The following ZNF429 variants were observed in gnomAD, a reference collection of about 807,000 sequenced individuals.
ZNF429 encodes zinc finger protein 429.
A neutral mutation model predicts 56.8 loss-of-function variants in ZNF429; 53 were observed. The ratio of observed to expected loss-of-function variants is 0.93; its 90% CI spans 0.75 to 1.17. ZNF429 has a LOEUF of 1.17. Among genes scored for constraint, ZNF429 ranks in the 50% most tolerant of loss-of-function variants. ZNF429 has a pLI of 0.00. For synonymous variants in ZNF429, 278 were observed against 264.7 expected (o/e 1.05, Z -0.49); for missense variants, 849 against 788.4 (o/e 1.08, Z -0.92).
intron 1 of ZNF429, chr19:21,507,699 C>T (rs1336667421): frequency 1.3e-5 from 2 of 152,660 alleles, no homozygotes; most frequent in African/African-American, 2.4e-5. Context: ...ATATTAATTC[C>T]TGGGTCATTT....
rs1021503986 is a variant in ZNF429, at chr19:21,529,411, A to C, written c.4-247A>C. 30 of 721,508 alleles carry C rather than the reference A, an allele frequency of 4.2e-5. No individual in the cohort carries two copies. The Admixed American group carries it at 1.4e-3, about 33-fold the overall frequency. The allele number at this position is 721,508 out of a possible 1,614,324, so 44.7% of individuals were successfully genotyped here. A position where few individuals can be genotyped will look rare whatever the true frequency, so the allele number is the denominator to read the frequency against. ...ATTTTATACTTTATCACTTAGAAAA[A>C]TGTCATGTGTACACTGATGTTGTGG... On this transcript the variant is annotated intron_variant, in intron 1 of 3. Coordinates refer to ENST00000358491, the MANE Select transcript of ZNF429 (RefSeq NM_001001415.4).
chr19:21,523,863 A>T (rs1054688562), intron 1 of ZNF429, among the ~76,000 whole-genome samples: 1 of 151,322 alleles, frequency 6.6e-6, no homozygotes, highest in African/African-American at 2.4e-5. Context: ...CTCTCCTTTG[A>T]TTGTTGTGTG....
Position 21,535,495 on chromosome 19 carries a change from TCTTC to T in ZNF429, c.227-784_227-781del. On this transcript the variant is annotated intron_variant, in intron 3 of 3. Transcript: ENST00000358491. Reference sequence around the variant, plus strand: ...TTCTTTCTTTCTTTCTTTCTTTCTTTCTTCTTTCTTTCTTTCTTTCCTTCTTTTT... The same window carrying T: ...TTCTTTCTTTCTTTCTTTCTTTCTTTTTTCTTTCTTTCTTTCCTTCTTTTT... 4.1e-4 allele frequency among the ~76,000 whole-genome samples: 52 copies of T among 128,376 alleles called. 1 individual carries two copies. Among genetic ancestry groups the T allele is most frequent in the African/African-American group, 1.6e-3 (51 of 32,432 alleles). The allele number at this position is 128,376 out of a possible 152,430, so 84.2% of individuals were successfully genotyped here. A position where few individuals can be genotyped will look rare whatever the true frequency, so the allele number is the denominator to read the frequency against.
rs111339482 is a variant in ZNF429, at chr19:21,528,611, A to G, written c.4-1047A>G. ...TCCTAGCTACTGTGGAGGCTGAGGCAGGAGAATCGCTTGAACCCAGGAGGT... is the reference window on the plus strand; with the variant it reads ...TCCTAGCTACTGTGGAGGCTGAGGCGGGAGAATCGCTTGAACCCAGGAGGT... On this transcript the variant is annotated intron_variant, in intron 1 of 3. Transcript: ENST00000358491. Among the ~76,000 whole-genome samples, 589 of 152,214 alleles carry G rather than the reference A, an allele frequency of 3.9e-3. 6 individuals are homozygous for G. The highest frequency in any genetic ancestry group is 0.01 in the Middle Eastern group (3 of 294).
intron 1 of ZNF429, among the ~76,000 whole-genome samples, chr19:21,518,105 TCTTA>T (rs575235397): frequency 2.0e-5 from 3 of 152,366 alleles, no homozygotes; most frequent in South Asian, 4.1e-4. Flanking sequence ...AATCTTCTCT[TCTTA>T]CTTCACTAAA....
At chr19:21,507,375 C>A (rs1219554538) in intron 1 of ZNF429, 1 of 152,198 alleles carries the variant, frequency 6.6e-6, no homozygotes, top group Admixed American at 6.5e-5. Flanking sequence ...TTTAATTAAA[C>A]ATTTTTTGAC....
Position 21,538,133 on chromosome 19 carries a change from G to C in ZNF429, c.*55G>C. ...ACAAAAAAAAAAAAAAAAAAAATTAGCCAGGCGTGGTGGTGGGCACTTGTA... is the reference window on the plus strand; with the variant it reads ...ACAAAAAAAAAAAAAAAAAAAATTACCCAGGCGTGGTGGTGGGCACTTGTA... On this transcript the variant is annotated 3_prime_UTR_variant, in exon 4 of 4. Transcript: ENST00000358491. The C allele has an allele frequency of 1.4e-6, 1 of 696,854 alleles. No individual in the cohort carries two copies. Among genetic ancestry groups the C allele is most frequent in the Non-Finnish European group, 2.2e-6 (1 of 451,154 alleles). 43.2% of individuals were successfully genotyped at this position (696,854 alleles called of 1,614,324 possible).
chr19:21,538,956 T>A lies in ZNF429; in HGVS notation c.*878T>A, dbSNP rs2033826533. On this transcript the variant is annotated 3_prime_UTR_variant, in exon 4 of 4. Transcript: ENST00000358491. ...TGTATCACAGATCTTGTTGTACACA[T>A]TTTATACTAGAGGAAAACCCTGAAG... Among the ~76,000 whole-genome samples the A allele has an allele frequency of 6.6e-6, 1 of 152,166 alleles. No homozygotes were observed. Among genetic ancestry groups the A allele is most frequent in the South Asian group, 2.1e-4 (1 of 4,832 alleles).
At chr19:21,511,994 G>C (rs2032504623) in intron 1 of ZNF429, among the ~76,000 whole-genome samples, 1 of 152,308 alleles carries the variant, frequency 6.6e-6, no homozygotes, top group East Asian at 1.9e-4. Context: ...GGAGAATCAG[G>C]CAGGGAGGTT....
Position 21,532,027 on chromosome 19 carries a change from C to T in ZNF429, c.226+1343C>T. 2.0e-5 allele frequency among the ~76,000 whole-genome samples: 3 copies of T among 152,056 alleles called. No homozygotes were observed. The East Asian group carries it at 5.8e-4, about 29-fold the overall frequency. On this transcript the variant is annotated intron_variant, in intron 3 of 3. Coordinates refer to ENST00000358491, the MANE Select transcript of ZNF429 (RefSeq NM_001001415.4). ...TGATAGAAGAGAGGAAGAAAACAAT[C>T]TTATTTACAATAGCATTAGAGTAAT... is the stretch of plus-strand genomic sequence containing the variant.
chr19:21,540,445 T>C lies in ZNF429; in HGVS notation c.*2367T>C, dbSNP rs1751136584. On this transcript the variant is annotated 3_prime_UTR_variant, in exon 4 of 4. Coordinates refer to ENST00000358491, the MANE Select transcript of ZNF429 (RefSeq NM_001001415.4). ...TAATATGTGTATATATTTATGCAAA[T>C]CTGGCATATTTTGATAGAGGCATAC... 1.3e-5 allele frequency among the ~76,000 whole-genome samples: 2 copies of C among 152,066 alleles called. No individual in the cohort carries two copies. Among genetic ancestry groups the C allele is most frequent in the Admixed American group, 1.3e-4 (2 of 15,256 alleles).
chr19:21,516,931 T>C (rs1017468548), intron 1 of ZNF429, among the ~76,000 whole-genome samples: 6 of 151,812 alleles, frequency 4.0e-5, no homozygotes, highest in African/African-American at 1.5e-4. Context: ...GGATGCCTGT[T>C]ATTTATTTCT....
At chr19:21,535,497 TTCTTTCTTTC>T in intron 3 of ZNF429, among the ~76,000 whole-genome samples, 4 of 122,046 alleles carry the variant, frequency 3.3e-5, no homozygotes, top group African/African-American at 1.1e-4. Flanking sequence ...TCTTTCTTTC[TTCTTTCTTTC>T]TTTCTTTCCT....
rs150408254 is a variant in ZNF429, at chr19:21,521,493, C to G, written c.4-8165C>G. The G allele has an allele frequency of 7.2e-5, 11 of 152,300 alleles. No homozygotes were observed. The East Asian group carries it at 2.1e-3, about 29-fold the overall frequency. The allele number at this position is 152,300 out of a possible 1,614,324, so 9.4% of individuals were successfully genotyped here. ...TTTTCTTCATAATGCTCATGTTTCT[C>G]ATGCTGACAATAGCTGTGCATTTTG... On this transcript the variant is annotated intron_variant, in intron 1 of 3. Transcript: ENST00000358491.
intron 2 of ZNF429, among the ~76,000 whole-genome samples, chr19:21,530,108 G>A: frequency 7.9e-5 from 12 of 151,480 alleles, no homozygotes; most frequent in South Asian, 2.1e-4. Context: ...GGAGAATGGC[G>A]TGAACCCGGG....
rs1172273512 is a variant in ZNF429 at position 21,536,468 on chromosome 19, C to T, written c.415C>T (p.Leu139Phe). The T allele has an allele frequency of 6.2e-7, 1 of 1,613,094 alleles. No individual in the cohort carries two copies. The highest frequency in any genetic ancestry group is 1.3e-5 in the African/African-American group (1 of 74,792). The change falls in exon 4 of 4, where the codon CTT becomes TTT. Residue 139 changes from leucine to phenylalanine, a missense_variant. Leu to Phe is a conservative substitution (Grantham distance 22). Coordinates refer to ENST00000358491, the MANE Select transcript of ZNF429 (RefSeq NM_001001415.4). ...GYNGLNQCLTLTQSKMYHCDI... is the reference protein window; with the variant it reads ...GYNGLNQCLTFTQSKMYHCDI... Reference sequence around the variant, plus strand: ...TAATGGACTTAACCAATGTTTGACACTTACCCAGAGCAAAATGTATCACTG... The same window carrying T: ...TAATGGACTTAACCAATGTTTGACATTTACCCAGAGCAAAATGTATCACTG...
chr19:21,510,437 G>C (rs1433836426), intron 1 of ZNF429, among the ~76,000 whole-genome samples: 1 of 152,138 alleles, frequency 6.6e-6, no homozygotes. Flanking sequence ...TTGATCACAC[G>C]CAAGAAAGAA....
chr19:21,526,835 T>G (rs2033188897), intron 1 of ZNF429, among the ~76,000 whole-genome samples: 1 of 152,142 alleles, frequency 6.6e-6, no homozygotes, highest in South Asian at 2.1e-4. Flanking sequence ...GGTCTGTGGG[T>G]CCTCTTGGGA....
At chr19:21,510,134 C>T (rs868433638) in intron 1 of ZNF429, among the ~76,000 whole-genome samples, 45 of 152,104 alleles carry the variant, frequency 3.0e-4, no homozygotes, top group South Asian at 1.2e-3. Flanking sequence ...GTCTCGAAGT[C>T]CTTACCTCAG....
Sources: gnomAD v4.1 joint callset for allele counts (sites outside exome capture counted in the v4.1 genomes callset) on GRCh38, gnomAD v4.1.1 for gene constraint, MANE v1.5 for transcripts, NCBI Gene and HGNC (gene_info 2026-07-23, HGNC 2026-07-21) for gene names.